RYR1: variants seen among roughly 807,000 people sequenced by gnomAD.
RYR1 encodes the protein ryanodine receptor 1.
In RYR1, 342 loss-of-function variants were observed where a neutral mutation model predicts 583.5. The ratio of observed to expected loss-of-function variants is 0.59; its 90% CI spans 0.54 to 0.64. RYR1 has a LOEUF of 0.64. RYR1 is among the 30% of genes least tolerant of loss of function. RYR1 has a pLI of 0.00. For synonymous variants in RYR1, 2,791 were observed against 2,822.5 expected (o/e 0.99, Z 0.35); for missense variants, 6,032 against 6,917.2 (o/e 0.87, Z 4.54).
chr19:38,522,646 C>T (rs941949433), intron 67 of RYR1, among the ~76,000 whole-genome samples: 2 of 150,778 alleles, frequency 1.3e-5, no homozygotes, highest in African/African-American at 4.9e-5. Flanking sequence ...GAGAATGGAT[C>T]GTTAAAAAAT....
rs989058020 is a variant in RYR1, at chr19:38,463,596, C to T, written c.2682+69C>T. 41 of 1,533,894 alleles carry T rather than the reference C, an allele frequency of 2.7e-5. No homozygotes were observed. The East Asian group carries it at 3.8e-4, about 14-fold the overall frequency. On this transcript the variant is annotated intron_variant, in intron 21 of 105. Coordinates refer to ENST00000359596, the MANE Select transcript of RYR1 (RefSeq NM_000540.3). Reference sequence around the variant, plus strand: ...GGTGCCAGGAGGGAGAGCGGCTCACCGGCGGAGAGGAGGGAGGGACCACAG... The same window carrying T: ...GGTGCCAGGAGGGAGAGCGGCTCACTGGCGGAGAGGAGGGAGGGACCACAG...
At chr19:38,514,939 C>CAT in intron 63 of RYR1, 87 bp from the exon 64 acceptor site, 1 of 862,474 alleles carries the variant, frequency 1.2e-6, no homozygotes, top group Non-Finnish European at 1.9e-6. Context: ...TTCCCCACTG[C>CAT]ATGGGCCTAT....
chr19:38,479,721 A>C (rs1968917353), intron 31 of RYR1, among the ~76,000 whole-genome samples: 1 of 142,182 alleles, frequency 7.0e-6, no homozygotes, highest in South Asian at 2.2e-4. Context: ...CTTATTTTTT[A>C]TTTTTATTTT....
chr19:38,519,571 A>AATGCTCTGGACCC, intron 67 of RYR1, 117 bp downstream of exon 67: 1 of 1,214,928 alleles, frequency 8.2e-7, no homozygotes, highest in Non-Finnish European at 1.2e-6. Flanking sequence ...TGGCCCCACC[A>AATGCTCTGGACCC]ACCTTCTGAC....
intron 1 of RYR1, among the ~76,000 whole-genome samples, chr19:38,437,328 G>A (rs1372447819): frequency 6.6e-6 from 1 of 152,096 alleles, no homozygotes; most frequent in Non-Finnish European, 1.5e-5. Context: ...TGGGATTACA[G>A]GAATGAGCCA....
chr19:38,563,791 T>G (rs1416102628), intron 90 of RYR1, among the ~76,000 whole-genome samples: 1 of 152,236 alleles, frequency 6.6e-6, no homozygotes, highest in Non-Finnish European at 1.5e-5. Context: ...TTAAGCACTA[T>G]GCTCCTCCTC....
intron 89 of RYR1, among the ~76,000 whole-genome samples, chr19:38,555,621 T>C (rs1972848716): frequency 6.6e-6 from 1 of 151,970 alleles, no homozygotes; most frequent in South Asian, 2.1e-4. Flanking sequence ...ATCTAGTGAG[T>C]GTGCAAATTT....
rs201642412 is a variant in RYR1 at position 38,548,237 on chromosome 19, C to T, written c.12099C>T (p.Asn4033=). 91 of 1,614,050 alleles carry T rather than the reference C, an allele frequency of 5.6e-5. No homozygotes were observed. The highest frequency in any genetic ancestry group is 1.6e-4 in the Middle Eastern group (1 of 6,072). ...VVMLLSLLEG[N]VVNGMIARQM... ...CTGACCTGGGGCTGCCTGCAGGGAA[C>T]GTGGTGAACGGCATGATCGCCCGGC... Residue 4033 remains asparagine (N), a synonymous_variant, in exon 89 of 106, where the codon AAC becomes AAT. Transcript: ENST00000359596.
At chr19:38,574,444 C>T in intron 96 of RYR1, among the ~76,000 whole-genome samples, 1 of 151,386 alleles carries the variant, frequency 6.6e-6, no homozygotes, top group Non-Finnish European at 1.5e-5. Flanking sequence ...ATAGAGAGAC[C>T]TATATCTTTA....
chr19:38,565,848 G>GAC lies in RYR1; in HGVS notation c.13437+85_13437+86dup. On this transcript the variant is annotated intron_variant, in intron 91 of 105. Coordinates refer to ENST00000359596, the MANE Select transcript of RYR1 (RefSeq NM_000540.3). The surrounding 1 kb of genome is among the most constrained non-coding windows in gnomAD (Gnocchi z 4.7). The stretch of plus-strand genomic sequence containing the variant: ...GAGGAAGAGAGCCCGGCTGGGTGGA[G>GAC]ACACACACAGAGGAGAGAACTGGCT... 7.5e-7 allele frequency: 1 copy of GAC among 1,337,614 alleles called. No individual in the cohort carries two copies. 82.9% of individuals were successfully genotyped at this position (1,337,614 alleles called of 1,614,324 possible). A position where few individuals can be genotyped will look rare whatever the true frequency, so the allele number is the denominator to read the frequency against.
At chr19:38,486,774 C>T (rs1466770147) in intron 34 of RYR1, among the ~76,000 whole-genome samples, 1 of 152,202 alleles carries the variant, frequency 6.6e-6, no homozygotes, top group Non-Finnish European at 1.5e-5. Context: ...AACCAACCAT[C>T]ATTCATCCAT....
Position 38,483,740 on chromosome 19 carries a change from C to T in RYR1, c.4934+224C>T, listed in dbSNP as rs777870655. ...GAGGCTCTACACCATCCCAGTGGAC[C>T]GCAGGCCCACCCTAAGGGAACCCAG... On this transcript the variant is annotated intron_variant, in intron 33 of 105. Transcript: ENST00000359596. This position sits in a 1 kb window ranked among gnomAD's most constrained non-coding sequence, Gnocchi z 6.3. Among the ~76,000 whole-genome samples the T allele has an allele frequency of 1.3e-5, 2 of 151,916 alleles. No individual in the cohort carries two copies. The highest frequency in any genetic ancestry group is 2.9e-5 in the Non-Finnish European group (2 of 67,952).
intron 96 of RYR1, 131 bp from the exon 97 acceptor site, chr19:38,575,788 G>A: frequency 1.1e-6 from 1 of 946,992 alleles, no homozygotes; most frequent in African/African-American, 1.6e-5. Context: ...GGGCAACAGA[G>A]TGAGACTCCA....
At chr19:38,572,976 C>G (rs1973790261) in intron 95 of RYR1, among the ~76,000 whole-genome samples, 1 of 151,840 alleles carries the variant, frequency 6.6e-6, no homozygotes, top group Non-Finnish European at 1.5e-5. Context: ...CTCCCCCATC[C>G]CTGCCCTGAC....
chr19:38,505,675 T>A, intron 53 of RYR1, 131 bp from the exon 54 acceptor site: 1 of 1,160,400 alleles, frequency 8.6e-7, no homozygotes, highest in Non-Finnish European at 1.3e-6. Flanking sequence ...ACAGAGCAGG[T>A]AAGAGACTTG....
At chr19:38,486,660 A>G (rs1258277795) in intron 34 of RYR1, among the ~76,000 whole-genome samples, 1 of 152,084 alleles carries the variant, frequency 6.6e-6, no homozygotes, top group East Asian at 1.9e-4. Context: ...CTTTCTATGT[A>G]TCCTCCCACC....
At position 38,502,715 on chromosome 19, in the gene RYR1, T is replaced by G; in HGVS notation, c.7823T>G (p.Met2608Arg). 1 of 1,505,452 alleles carries G rather than the reference T, an allele frequency of 6.6e-7. No homozygotes were observed. Among genetic ancestry groups the G allele is most frequent in the Non-Finnish European group, 8.9e-7 (1 of 1,118,806 alleles). The allele number at this position is 1,505,452 out of a possible 1,614,324, so 93.3% of individuals were successfully genotyped here. Residue 2608 changes from methionine (M) to arginine (R), a missense_variant, in exon 48 of 106, where the codon ATG (methionine) becomes AGG (arginine). Physicochemically the swap from Met to Arg is moderately conservative, Grantham distance 91 (BLOSUM62 -1). Coordinates refer to ENST00000359596, the MANE Select transcript of RYR1 (RefSeq NM_000540.3). ...CGTGACGTCATCGAGGACTGCCTCA[T>G]GTCGCTCTGCAGGTGGAGCGGGGCA... ...AQRDVIEDCL[M>R]SLCRYIRPSM...
chr19:38,484,224 G>A (rs371974808), intron 33 of RYR1, among the ~76,000 whole-genome samples: 22 of 152,148 alleles, frequency 1.4e-4, no homozygotes, highest in African/African-American at 4.8e-4. Context: ...CCCAGGAGGC[G>A]GAGGTTGCAT....
At chr19:38,478,337 C>T (rs1398998336) in intron 30 of RYR1, 98 bp from the exon 31 acceptor site, 15 of 1,370,670 alleles carry the variant, frequency 1.1e-5, no homozygotes, top group Admixed American at 1.7e-5. Context: ...GGGGATGGGA[C>T]TCTGAGGTTG....
Sources: allele counts gnomAD v4.1 joint callset (sites outside exome capture counted in the v4.1 genomes callset), GRCh38; gene constraint gnomAD v4.1.1; non-coding constraint Gnocchi (gnomAD v3.1); transcripts MANE v1.5; gene names NCBI Gene and HGNC (gene_info 2026-07-23, HGNC 2026-07-21).